Variants in PLCH2 observed in about 807,000 individuals in gnomAD.
The protein encoded by PLCH2 is 1-phosphatidylinositol 4,5-bisphosphate phosphodiesterase eta-2.
PLCH2 carries 98 observed loss-of-function variants against 134.7 expected under a neutral mutation model. The ratio of observed to expected loss-of-function variants is 0.73; its 90% CI spans 0.62 to 0.86. PLCH2 has a LOEUF of 0.86. PLCH2 is among the 40% of genes least tolerant of loss of function. The probability of loss-of-function intolerance (pLI) is 0.00; values close to 1 mark genes in which losing one functional copy is unlikely to be tolerated. For synonymous variants in PLCH2, 974 were observed against 827.5 expected (o/e 1.18, Z -3.04); for missense variants, 1,994 against 1,986.6 (o/e 1.00, Z -0.07).
chr1:2,480,286 C>A lies in PLCH2; in HGVS notation c.619C>A (p.Arg207=). The A allele has an allele frequency of 1.2e-6, 2 of 1,612,618 alleles. No homozygotes were observed. The highest frequency in any genetic ancestry group is 1.7e-6 in the Non-Finnish European group (2 of 1,179,778). ...LLHKLNVNLP[R]QRVKQMFREA... ...GCACAAGCTCAACGTGAACCTGCCC[C>A]GGCAGAGGGTGAAGCAGATGTTCAG... The change falls in exon 4 of 22, where the codon CGG becomes AGG. Residue 207 remains arginine, a synonymous_variant. Transcript: ENST00000378486.
intron 4 of PLCH2, among the ~76,000 whole-genome samples, chr1:2,483,088 C>G (rs916344418): frequency 6.6e-6 from 1 of 152,194 alleles, no homozygotes; most frequent in Non-Finnish European, 1.5e-5. Context: ...AATCACGAAG[C>G]CTCTAGACTA....
In PLCH2 at chr1:2,478,551, G is replaced by A. The variant is rs528523454; in HGVS notation, c.200G>A (p.Arg67His). The A allele has an allele frequency of 2.1e-5, 34 of 1,612,734 alleles. No individual in the cohort carries two copies. In the South Asian group the frequency reaches 2.7e-4, roughly 13 times the overall value. Reference protein sequence around the residue: ...KLRGGSKGLVRFYYLDEHRSC... With the variant: ...KLRGGSKGLVHFYYLDEHRSC... ...CGTGGCGGCTCCAAGGGCCTGGTCCGCTTCTACTACCTGGACGAGCACCGC... is the reference window on the plus strand; with the variant it reads ...CGTGGCGGCTCCAAGGGCCTGGTCCACTTCTACTACCTGGACGAGCACCGC... Residue 67 changes from arginine (R) to histidine (H), a missense_variant, in exon 2 of 22, where the codon CGC becomes CAC. Around this residue, in one of 2 missense-constraint regions of PLCH2, gnomAD observed 1,094 missense variants for 1,234.3 expected, o/e 0.89. Transcript: ENST00000378486.
At chr1:2,497,649 T>A (rs1457520719) in intron 16 of PLCH2, 40 bp downstream of exon 16, 1 of 1,339,274 alleles carries the variant, frequency 7.5e-7, no homozygotes, top group Non-Finnish European at 1.0e-6. Context: ...CGCTCAGGGC[T>A]CGGATGGGCC....
Position 2,504,694 on chromosome 1 carries a change from C to T in PLCH2, c.3732C>T (p.Gly1244=), listed in dbSNP as rs755020250. The T allele has an allele frequency of 2.0e-5, 33 of 1,612,418 alleles. No homozygotes were observed. Among genetic ancestry groups the T allele is most frequent in the Non-Finnish European group, 2.2e-5 (26 of 1,179,768 alleles). ...CCTGGGGCTGCCTTTCCCTGGTGGG[C>T]GTGCAGGACTGCCCCGTGGCTGCCA... ...RPPWGCLSLV[G]VQDCPVAAKS... The change falls in exon 22 of 22, where the codon GGC becomes GGT. Residue 1244 remains glycine, a synonymous_variant. Transcript: ENST00000378486.
At chr1:2,419,380 G>A in the PLCH2 span, among the ~76,000 whole-genome samples, 1 of 152,328 alleles carries the variant, frequency 6.6e-6, no homozygotes, top group Non-Finnish European at 1.5e-5. Flanking sequence ...TGGTCCTTGA[G>A]TTTCCCACTG....
At chr1:2,456,583 G>A (rs965366374) in intron 2 of PLCH2, among the ~76,000 whole-genome samples, 2 of 152,178 alleles carry the variant, frequency 1.3e-5, no homozygotes, top group African/African-American at 4.8e-5. Context: ...CGGCAGACCC[G>A]TCGACCCCTT....
At position 2,495,527 on chromosome 1, in the gene PLCH2, G is replaced by A; in HGVS notation, c.1792G>A (p.Glu598Lys). 1 of 1,551,956 alleles carries A rather than the reference G, an allele frequency of 6.4e-7. No individual in the cohort carries two copies. Among genetic ancestry groups the A allele is most frequent in the South Asian group, 1.2e-5 (1 of 84,018 alleles). ...SKLKKAASVE[E>K]GDEGQDSPGG... is the part of the protein sequence containing the mutation. The stretch of plus-strand genomic sequence containing the variant: ...GCTGAAGAAGGCGGCCAGCGTGGAG[G>A]AGGGAGATGAGGGTCAGGACTCCCC... The change falls in exon 13 of 22, where the codon GAG (glutamate) becomes AAG (lysine). Residue 598 changes from glutamate to lysine, a missense_variant. This residue lies in a region of PLCH2 where 1,094 missense variants were observed against 1,234.3 expected (regional missense o/e 0.89). Coordinates refer to ENST00000378486, the MANE Select transcript of PLCH2 (RefSeq NM_014638.4).
rs572841182 is a variant in PLCH2, at chr1:2,498,970, C to T, written c.2435-114C>T. ...GCCCTCCCCTCTAGGTGGGCAGTCC[C>T]GGAAGCAGCACCGGGAGTGGCACTG... On this transcript the variant is annotated intron_variant, in intron 18 of 21. Coordinates refer to ENST00000378486, the MANE Select transcript of PLCH2 (RefSeq NM_014638.4). The surrounding 1 kb of genome is among the most constrained non-coding windows in gnomAD (Gnocchi z 5.4). 42 of 1,431,776 alleles carry T rather than the reference C, an allele frequency of 2.9e-5. No individual in the cohort carries two copies. Among genetic ancestry groups the T allele is most frequent in the Admixed American group, 2.0e-4 (10 of 49,836 alleles). The allele number at this position is 1,431,776 out of a possible 1,614,324, so 88.7% of individuals were successfully genotyped here.
intron 11 of PLCH2, among the ~76,000 whole-genome samples, chr1:2,491,595 C>A (rs1013736032): frequency 6.6e-6 from 1 of 152,256 alleles, no homozygotes; most frequent in African/African-American, 2.4e-5. Context: ...CTGCCCAGCG[C>A]CCCTGCCTAG....
At chr1:2,437,779 A>AC (rs750752817) in intron 2 of PLCH2, among the ~76,000 whole-genome samples, 35 of 151,720 alleles carry the variant, frequency 2.3e-4, no homozygotes, top group Non-Finnish European at 3.8e-4. Context: ...ATGTATACCC[A>AC]CCCCCACACA....
chr1:2,499,563 A>T, intron 19 of PLCH2, 78 bp from the exon 20 acceptor site: 1 of 1,116,852 alleles, frequency 9.0e-7, no homozygotes, highest in Non-Finnish European at 1.3e-6. Context: ...TGGGACCTTT[A>T]AGTAGAATGG....
rs1438525492 is a variant in PLCH2 at position 2,505,522 on chromosome 1, G to A, written c.*309G>A. On this transcript the variant is annotated 3_prime_UTR_variant, in exon 22 of 22. Coordinates refer to ENST00000378486, the MANE Select transcript of PLCH2 (RefSeq NM_014638.4). ...TTATACAACATTAAAATGATACCAA[G>A]TCCCTTTCCATTTTTACCTGGTTTT... is the stretch of plus-strand genomic sequence containing the variant. The A allele has an allele frequency of 2.4e-6, 1 of 411,218 alleles. No individual in the cohort carries two copies. Among genetic ancestry groups the A allele is most frequent in the Non-Finnish European group, 4.4e-6 (1 of 229,694 alleles). The allele number at this position is 411,218 out of a possible 1,614,324, so 25.5% of individuals were successfully genotyped here. A position where few individuals can be genotyped will look rare whatever the true frequency, so the allele number is the denominator to read the frequency against.
At chr1:2,424,151 T>C (rs1488024545), upstream of PLCH2, among the ~76,000 whole-genome samples, 2 of 152,214 alleles carry the variant, frequency 1.3e-5, no homozygotes, top group Non-Finnish European at 2.9e-5. Context: ...ATACAATCAT[T>C]TCAGTTTAAA....
Position 2,489,783 on chromosome 1 carries a change from C to T in PLCH2, c.1431C>T (p.Ile477=), listed in dbSNP as rs1377034750. 1 of 1,613,530 alleles carries T rather than the reference C, an allele frequency of 6.2e-7. No homozygotes were observed. Among genetic ancestry groups the T allele is most frequent in the Non-Finnish European group, 8.5e-7 (1 of 1,179,742 alleles). Residue 477 remains isoleucine, a synonymous_variant, in exon 10 of 22, where the codon ATC becomes ATT. Transcript: ENST00000378486. ...AGGGGAAGAAGCTCCCAGCCAACAT[C>T]AGCGAGGATGCGGAGGAAGGCGAGG... ...LVKGKKLPAN[I]SEDAEEGEVS...
At chr1:2,416,270 G>A in the PLCH2 span, among the ~76,000 whole-genome samples, 1 of 152,140 alleles carries the variant, frequency 6.6e-6, no homozygotes, top group African/African-American at 2.4e-5. Flanking sequence ...TGCTGCTTGA[G>A]GGGAGTGGCT....
intron 2 of PLCH2, among the ~76,000 whole-genome samples, chr1:2,451,852 G>A (rs538672747): frequency 6.6e-6 from 1 of 152,162 alleles, no homozygotes; most frequent in Non-Finnish European, 1.5e-5. Flanking sequence ...GTGGTGGGGG[G>A]ACTGTGATTC....
At chr1:2,493,254 C>G (rs1376328445) in intron 11 of PLCH2, 1 of 152,360 alleles carries the variant, frequency 6.6e-6, no homozygotes, top group Non-Finnish European at 1.5e-5. Context: ...TCTCCTCGGT[C>G]ATGCCTGGAT....
At chr1:2,449,588 G>T (rs555719506) in intron 2 of PLCH2, among the ~76,000 whole-genome samples, 1 of 152,336 alleles carries the variant, frequency 6.6e-6, no homozygotes, top group East Asian at 1.9e-4. Flanking sequence ...CAGGTGAGGT[G>T]GGGGACCAGG....
chr1:2,444,559 G>A lies in PLCH2; in HGVS notation c.115+13930G>A, dbSNP rs955114710. On this transcript the variant is annotated intron_variant, in intron 2 of 3. Coordinates refer to the PLCH2 transcript ENST00000609981. The surrounding 1 kb of genome is among the most constrained non-coding windows in gnomAD (Gnocchi z 4.6). Reference sequence around the variant, plus strand: ...GTGTTTGAGTGTCCACTGCTGAGGGGTCTCCTGGGCTCTGGACCTGCCGGC... The same window carrying A: ...GTGTTTGAGTGTCCACTGCTGAGGGATCTCCTGGGCTCTGGACCTGCCGGC... Among the ~76,000 whole-genome samples the A allele has an allele frequency of 6.6e-6, 1 of 152,202 alleles. No homozygotes were observed. Among genetic ancestry groups the A allele is most frequent in the Admixed American group, 6.5e-5 (1 of 15,288 alleles).
Sources: gnomAD v4.1 joint callset for allele counts (sites outside exome capture counted in the v4.1 genomes callset) on GRCh38, gnomAD v4.1.1 for gene constraint, gnomAD v4.1.1 regional missense constraint, Gnocchi (gnomAD v3.1) non-coding constraint, MANE v1.5 for transcripts, NCBI Gene and HGNC (gene_info 2026-07-23, HGNC 2026-07-21) for gene names.